RNF213: variants seen among roughly 807,000 people sequenced by gnomAD.
RNF213 encodes ring finger protein 213.
Under a neutral mutation model 514.4 loss-of-function variants are expected in RNF213, and 341 were observed. That is an observed-to-expected ratio of 0.66 (90% CI 0.61 to 0.73). The LOEUF (loss-of-function observed/expected upper bound fraction) is 0.73, where lower values mean the gene tolerates loss of function less well. Among genes scored for constraint, RNF213 ranks in the 30% least tolerant of loss-of-function variants. The pLI, the probability that RNF213 is intolerant of heterozygous loss-of-function variation, is 0.00. For missense variants in RNF213, 5,767 were observed against 6,615.6 expected (o/e 0.87, Z 4.45); for synonymous variants, 2,655 against 2,658.2 (o/e 1.00, Z 0.04).
chr17:80,386,880 C>G lies in RNF213; in HGVS notation c.14911C>G (p.Leu4971Val). ...VSRFLQGKPR[L>V]SLKGIPTLVY... is the part of the protein sequence containing the mutation. ...CCGCTTCCTCCAGGGCAAGCCCCGGCTGAGCCTCAAGGTAGGGCTGACTCC... is the reference window on the plus strand; with the variant it reads ...CCGCTTCCTCCAGGGCAAGCCCCGGGTGAGCCTCAAGGTAGGGCTGACTCC... The change falls in exon 63 of 68, where the codon CTG becomes GTG. Residue 4971 changes from leucine (L) to valine (V), a missense_variant. Physicochemically the swap from Leu to Val is conservative, Grantham distance 32. Transcript: ENST00000582970. 12 of 1,612,424 alleles carry G rather than the reference C, an allele frequency of 7.4e-6. No individual in the cohort carries two copies. The highest frequency in any genetic ancestry group is 1.0e-5 in the Non-Finnish European group (12 of 1,179,530).
At chr17:80,302,386 C>A (rs1316189302) in intron 11 of RNF213, among the ~76,000 whole-genome samples, 1 of 151,602 alleles carries the variant, frequency 6.6e-6, no homozygotes, top group African/African-American at 2.4e-5. Context: ...TATATTTGTA[C>A]AGATTACAGA....
In RNF213 at chr17:80,363,766, C is replaced by A. The variant is rs765227438; in HGVS notation, c.11726C>A (p.Ala3909Asp). Residue 3909 changes from alanine (A) to aspartate (D), a missense_variant, in exon 41 of 68, where the codon GCC becomes GAC. Coordinates refer to ENST00000582970, the MANE Select transcript of RNF213 (RefSeq NM_001256071.3). ...CACATGCAAGGCAGCGGGAGCCTGG[C>A]CCAGGCTGTCATCAGGGAAGTCAGG... ...DEHMQGSGSLAQAVIREVRAQ... is the reference protein window; with the variant it reads ...DEHMQGSGSLDQAVIREVRAQ... 1.9e-5 allele frequency: 31 copies of A among 1,613,348 alleles called. No homozygotes were observed. The highest frequency in any genetic ancestry group is 1.5e-4 in the Admixed American group (9 of 59,990).
chr17:80,281,536 ATACCACT>A (rs1372498325), intron 3 of RNF213, among the ~76,000 whole-genome samples: 4 of 38,554 alleles, frequency 1.0e-4, no homozygotes, highest in South Asian at 9.7e-4. Context: ...TGCCCCACTC[ATACCACT>A]CACACACCCC....
chr17:80,364,741 C>T (rs189043763), intron 42 of RNF213, 188 bp downstream of exon 42: 12 of 661,934 alleles, frequency 1.8e-5, no homozygotes, highest in Non-Finnish European at 2.9e-5. Context: ...TAATTATTTA[C>T]CCTCTGCTGA....
At chr17:80,294,298 A>G (rs1270020016) in intron 8 of RNF213, among the ~76,000 whole-genome samples, 1 of 152,166 alleles carries the variant, frequency 6.6e-6, no homozygotes, top group African/African-American at 2.4e-5. Context: ...AGTACAGAGG[A>G]AACCAACTCA....
At chr17:80,352,481 A>C in intron 32 of RNF213, 1 of 485,670 alleles carries the variant, frequency 2.1e-6, no homozygotes, top group Non-Finnish European at 3.6e-6. Context: ...CTATCTTCAG[A>C]TCTCTTTTTT....
chr17:80,352,669 C>T (rs1005712215), intron 32 of RNF213: 84 of 622,418 alleles, frequency 1.3e-4, no homozygotes, highest in African/African-American at 9.5e-4. Context: ...GAACCACAGG[C>T]CTTATCCATG....
chr17:80,296,260 TCCAC>T lies in RNF213; in HGVS notation c.2012+453_2012+456del, dbSNP rs575017224. 1.3e-4 allele frequency among the ~76,000 whole-genome samples: 20 copies of T among 152,296 alleles called. No individual in the cohort carries two copies. The East Asian group carries it at 3.9e-3, about 29-fold the overall frequency. ...GTTTCGAACTCCTGACCTCAAGTGATCCACCCACCTCGGCCTCCCAAAGTGCTAG... is the reference window on the plus strand; with the variant it reads ...GTTTCGAACTCCTGACCTCAAGTGATCCACCTCGGCCTCCCAAAGTGCTAG... On this transcript the variant is annotated intron_variant, in intron 10 of 67. Transcript: ENST00000582970.
chr17:80,337,777 G>A (rs2078030470), intron 24 of RNF213, 51 bp downstream of exon 24: 2 of 1,536,856 alleles, frequency 1.3e-6, no homozygotes, highest in African/African-American at 2.7e-5. Context: ...GCAGGCTGCT[G>A]CCAGTCCAGG....
chr17:80,334,604 G>A (rs2077929915), intron 22 of RNF213, among the ~76,000 whole-genome samples: 2 of 140,996 alleles, frequency 1.4e-5, no homozygotes, highest in African/African-American at 5.4e-5. Context: ...GAGAGTTCCT[G>A]CCCACAGAGA....
chr17:80,267,203 G>T (rs1439417369), intron 2 of RNF213, among the ~76,000 whole-genome samples: 1 of 150,844 alleles, frequency 6.6e-6, no homozygotes, highest in Non-Finnish European at 1.5e-5. Context: ...GGTGACAACA[G>T]CGAGACTCTG....
intron 22 of RNF213, among the ~76,000 whole-genome samples, chr17:80,335,222 G>T (rs1245882823): frequency 1.3e-5 from 2 of 152,140 alleles, no homozygotes; most frequent in African/African-American, 2.4e-5. Flanking sequence ...GAGCCACCGC[G>T]CCTGGCCCCA....
intron 21 of RNF213, among the ~76,000 whole-genome samples, chr17:80,332,866 G>A (rs972619290): frequency 1.3e-5 from 2 of 152,102 alleles, no homozygotes; most frequent in African/African-American, 4.8e-5. Context: ...TCTGCGTGAA[G>A]ATCAAGAACT....
At chr17:80,351,638 G>A (rs369881425) in intron 31 of RNF213, 47 bp from the exon 32 acceptor site, 67 of 999,500 alleles carry the variant, frequency 6.7e-5, no homozygotes, top group Admixed American at 4.7e-4. Context: ...GTTTTTGTGT[G>A]TGTGTTTGTT....
intron 12 of RNF213, 136 bp from the exon 13 acceptor site, chr17:80,306,992 C>A: frequency 1.2e-6 from 1 of 824,040 alleles, no homozygotes; most frequent in Non-Finnish European, 2.1e-6. Flanking sequence ...AGTATGTGAG[C>A]ACCTTAAAAT....
intron 7 of RNF213, among the ~76,000 whole-genome samples, chr17:80,291,263 T>A (rs2044718508): frequency 1.4e-5 from 1 of 72,460 alleles, no homozygotes; most frequent in African/African-American, 7.7e-5. Context: ...TTTCTTATAA[T>A]TTTTTTTTTT....
Position 80,346,632 on chromosome 17 carries a change from TC to T in RNF213, c.8299del (p.Leu2767TrpfsTer33). ...TGCATCGAGCTGAAGATTCCCCTCT[TC>T]CTGGTGGGGAAGCCCGGCAGCTCCA... is the stretch of plus-strand genomic sequence containing the variant. ...VVCIELKIPL[F>X]LVGKPGSSKS... On this transcript the variant is annotated frameshift_variant, in exon 29 of 68. Coordinates refer to ENST00000582970, the MANE Select transcript of RNF213 (RefSeq NM_001256071.3). LOFTEE classifies it high-confidence loss of function. This position sits in a 1 kb window ranked among gnomAD's most constrained non-coding sequence, Gnocchi z 8.1. 1 of 1,612,806 alleles carries T rather than the reference TC, an allele frequency of 6.2e-7. No individual in the cohort carries two copies. Among genetic ancestry groups the T allele is most frequent in the Non-Finnish European group, 8.5e-7 (1 of 1,180,004 alleles).
intron 15 of RNF213, among the ~76,000 whole-genome samples, chr17:80,313,892 G>A (rs1477142464): frequency 4.9e-4 from 41 of 84,046 alleles, no homozygotes; most frequent in East Asian, 6.8e-4. Context: ...AGGTACTGGA[G>A]GTGATGGTGG....
chr17:80,309,499 G>A (rs189036617), intron 14 of RNF213, among the ~76,000 whole-genome samples: 19 of 152,288 alleles, frequency 1.2e-4, no homozygotes, highest in African/African-American at 4.6e-4. Flanking sequence ...CGGAGAAGAC[G>A]ACTTTTCTTT....
Sources: gnomAD v4.1 joint callset for allele counts (sites outside exome capture counted in the v4.1 genomes callset) on GRCh38, gnomAD v4.1.1 for gene constraint, Gnocchi (gnomAD v3.1) non-coding constraint, MANE v1.5 for transcripts, NCBI Gene and HGNC (gene_info 2026-07-23, HGNC 2026-07-21) for gene names.